Variants in ESR1 observed in about 807,000 individuals in gnomAD.
ESR1 encodes the protein estrogen receptor 1, also known as estrogen receptor.
A neutral mutation model predicts 52.7 loss-of-function variants in ESR1; 12 were observed. That is an observed-to-expected ratio of 0.23 (90% CI 0.15 to 0.37). ESR1 has a LOEUF of 0.37. Ranked by LOEUF, ESR1 falls within the 10% of genes least tolerant of loss-of-function variation. ESR1 has a pLI of 1.00. For missense variants in ESR1, 584 were observed against 779.7 expected (o/e 0.75, Z 2.99); for synonymous variants, 305 against 316.8 (o/e 0.96, Z 0.39).
chr6:151,717,985 A>G (rs1373313683), intron 2 of ESR1, among the ~76,000 whole-genome samples: 1 of 152,214 alleles, frequency 6.6e-6, no homozygotes, highest in African/African-American at 2.4e-5. Flanking sequence ...ACAATTTAAG[A>G]CAACATTTTC....
At chr6:152,113,018 A>T (rs2051164557) in intron 6 of ESR1, 1 of 152,210 alleles carries the variant, frequency 6.6e-6, no homozygotes, top group Admixed American at 6.5e-5. Context: ...TGCTGAGCTC[A>T]CCCAAAGAGG....
In ESR1 at chr6:152,011,678, T is replaced by A. The variant is rs1486153215; in HGVS notation, c.1119T>A (p.His373Gln). Residue 373 changes from histidine to glutamine, a missense_variant, in exon 5 of 8, where the codon CAT becomes CAA. Coordinates refer to ENST00000206249, the MANE Select transcript of ESR1 (RefSeq NM_000125.4). ...RVPGFVDLTL[H>Q]DQVHLLECAW... ...CAGGCTTTGTGGATTTGACCCTCCA[T>A]GATCAGGTCCACCTTCTAGAATGTG... 1 of 1,613,150 alleles carries A rather than the reference T, an allele frequency of 6.2e-7. No homozygotes were observed. Among genetic ancestry groups the A allele is most frequent in the Admixed American group, 1.7e-5 (1 of 59,910 alleles).
intron 4 of ESR1, among the ~76,000 whole-genome samples, chr6:152,001,349 GAGAA>G (rs1445706720): frequency 6.6e-6 from 1 of 152,006 alleles, no homozygotes; most frequent in Non-Finnish European, 1.5e-5. Flanking sequence ...CACATGCAAA[GAGAA>G]AGAAAGGGGA....
intron 5 of ESR1, among the ~76,000 whole-genome samples, chr6:152,031,304 G>A (rs2044677634): frequency 1.3e-5 from 2 of 152,088 alleles, no homozygotes; most frequent in Non-Finnish European, 1.5e-5. Context: ...AGAACTGAAG[G>A]AGATAGAGAC....
intron 1 of ESR1, among the ~76,000 whole-genome samples, chr6:151,840,332 G>A (rs558772236): frequency 2.6e-5 from 4 of 152,260 alleles, no homozygotes; most frequent in Non-Finnish European, 5.9e-5. Context: ...ACAGCATGGT[G>A]GTGAAATGGA....
At chr6:151,998,353 A>G (rs936165709) in intron 4 of ESR1, among the ~76,000 whole-genome samples, 2 of 151,314 alleles carry the variant, frequency 1.3e-5, no homozygotes, top group East Asian at 4.0e-4. Context: ...GTTGCCAATA[A>G]AATCAGTATT....
In ESR1 at chr6:151,908,604, C is replaced by T. The variant is rs189324570; in HGVS notation, c.760+27833C>T. Among the ~76,000 whole-genome samples the T allele has an allele frequency of 4.9e-4, 74 of 152,218 alleles. 1 individual carries two copies. In the South Asian group the frequency reaches 0.011, roughly 22 times the overall value. On this transcript the variant is annotated intron_variant, in intron 3 of 7. Transcript: ENST00000206249. ...TCTCACTCGTTGCTTAAAACTGAAG[C>T]GTGGATAATTGGTGTGCATTCCCTA...
rs554714380 is a variant in ESR1, at chr6:152,098,230, G to A, written c.1554-502G>A. The stretch of plus-strand genomic sequence containing the variant: ...GTTGGGCCTTGTTGAACATGGAAAG[G>A]CATTTAGATCGTATTCTGAGTTAAA... On this transcript the variant is annotated intron_variant, in intron 7 of 7. Coordinates refer to ENST00000206249, the MANE Select transcript of ESR1 (RefSeq NM_000125.4). This position sits in a 1 kb window ranked among gnomAD's most constrained non-coding sequence, Gnocchi z 5.1. 6.6e-6 allele frequency among the ~76,000 whole-genome samples: 1 copy of A among 152,284 alleles called. No homozygotes were observed. Among genetic ancestry groups the A allele is most frequent in the African/African-American group, 2.4e-5 (1 of 41,554 alleles).
chr6:151,901,137 G>T (rs1796612715), intron 3 of ESR1, among the ~76,000 whole-genome samples: 2 of 152,130 alleles, frequency 1.3e-5, no homozygotes, highest in South Asian at 4.1e-4. Context: ...GTGGGGCAGG[G>T]GGGTGAGGTT....
intron 1 of ESR1, among the ~76,000 whole-genome samples, chr6:151,693,609 CATAG>C (rs1003166132): frequency 8.5e-5 from 13 of 152,166 alleles, no homozygotes; most frequent in African/African-American, 1.2e-4. Context: ...TCCATACACA[CATAG>C]AGCTCTATGC....
intron 4 of ESR1, among the ~76,000 whole-genome samples, chr6:151,954,267 C>T (rs2036657113): frequency 6.6e-6 from 1 of 152,138 alleles, no homozygotes; most frequent in Non-Finnish European, 1.5e-5. Context: ...AAGTAAATTG[C>T]TTGACGTGTT....
Position 151,925,822 on chromosome 6 carries a change from T to C in ESR1, c.761-18351T>C, listed in dbSNP as rs77474294. ...TAAATTTTAATGAAGCCCAATTTAT[T>C]AATTTTTTTCTTCCATATTGTGCTA... On this transcript the variant is annotated intron_variant, in intron 3 of 7. Transcript: ENST00000206249. Among the ~76,000 whole-genome samples, 46 of 152,186 alleles carry C rather than the reference T, an allele frequency of 3.0e-4. No homozygotes were observed. The East Asian group carries it at 7.7e-3, about 26-fold the overall frequency.
chr6:151,813,837 T>C (rs1779206056), intron 1 of ESR1, among the ~76,000 whole-genome samples: 1 of 152,186 alleles, frequency 6.6e-6, no homozygotes, highest in Non-Finnish European at 1.5e-5. Flanking sequence ...GTTAATAAAA[T>C]CCATTAAGTA....
At chr6:152,107,302 C>T (rs542030934), downstream of ESR1, among the ~76,000 whole-genome samples, 41 of 152,224 alleles carry the variant, frequency 2.7e-4, no homozygotes, top group Non-Finnish European at 4.6e-4. Context: ...CTTTTTTCCT[C>T]TCTGTTCTTC....
At chr6:151,887,499 A>T (rs984459585) in intron 3 of ESR1, among the ~76,000 whole-genome samples, 3 of 152,126 alleles carry the variant, frequency 2.0e-5, no homozygotes, top group African/African-American at 7.2e-5. Flanking sequence ...TTCCACAAGC[A>T]GAAGCAGATC....
intron 4 of ESR1, among the ~76,000 whole-genome samples, chr6:151,997,063 T>A (rs2041553220): frequency 1.3e-5 from 2 of 150,152 alleles, no homozygotes. Flanking sequence ...GACTTCCTAG[T>A]CCTGGCCAAA....
intron 4 of ESR1, among the ~76,000 whole-genome samples, chr6:151,995,170 T>G (rs2041368168): frequency 6.6e-6 from 1 of 152,148 alleles, no homozygotes; most frequent in South Asian, 2.1e-4. Context: ...CCTAGGAACA[T>G]GGGTAGTGGC....
chr6:151,727,760 C>T (rs117104636), intron 2 of ESR1, among the ~76,000 whole-genome samples: 2 of 152,112 alleles, frequency 1.3e-5, no homozygotes, highest in East Asian at 1.9e-4. Flanking sequence ...TTGCTGTTCT[C>T]GTGATAGTGA....
intron 3 of ESR1, among the ~76,000 whole-genome samples, chr6:151,882,065 A>G (rs898864228): frequency 6.6e-6 from 1 of 152,136 alleles, no homozygotes; most frequent in Admixed American, 6.6e-5. Flanking sequence ...TGATTTAAGG[A>G]GAACAAAATT....
Sources: gnomAD v4.1 joint callset for allele counts (sites outside exome capture counted in the v4.1 genomes callset) on GRCh38, gnomAD v4.1.1 for gene constraint, Gnocchi (gnomAD v3.1) non-coding constraint, MANE v1.5 for transcripts, NCBI Gene and HGNC (gene_info 2026-07-23, HGNC 2026-07-21) for gene names.